GOLGA1: variants seen among roughly 807,000 people sequenced by gnomAD.
GOLGA1 encodes golgin subfamily A member 1.
In GOLGA1, 63 loss-of-function variants were observed where a neutral mutation model predicts 119.7. The ratio of observed to expected loss-of-function variants is 0.53; its 90% confidence interval spans 0.43 to 0.65. The LOEUF (loss-of-function observed/expected upper bound fraction) is 0.65. GOLGA1 is among the 30% of genes least tolerant of loss of function. The probability of loss-of-function intolerance (pLI) is 0.00; values close to 1 mark genes in which losing one functional copy is unlikely to be tolerated. For synonymous variants in GOLGA1, 318 were observed against 333.4 expected, an observed-to-expected ratio of 0.95 and a Z score of 0.50; for missense variants, 798 against 912.8, an observed-to-expected ratio of 0.87 and a Z score of 1.62.
At chr9:124,924,296 A>G (rs1830628588) in intron 7 of GOLGA1, among the ~76,000 whole-genome samples, 1 of 152,146 alleles carries the variant, frequency 6.6e-6, no homozygotes, top group Non-Finnish European at 1.5e-5. Flanking sequence ...AAAAAAAAGA[A>G]AAAAAAATTA....
In GOLGA1 at chr9:124,932,668, T is replaced by C. The variant is rs146598867; in HGVS notation, c.136-1262A>G. 2.5e-3 allele frequency among the ~76,000 whole-genome samples: 385 copies of C among 152,372 alleles called. 5 individuals are homozygous for C. Among genetic ancestry groups the C allele is most frequent in the African/African-American group, 8.9e-3 (369 of 41,592 alleles). On this transcript the variant is annotated intron_variant, in intron 3 of 22. Coordinates refer to ENST00000373555, the MANE Select transcript of GOLGA1 (RefSeq NM_002077.4). ...TCATCTATTACTAGTTGTCTTAGTCTGTTTGAGTGCTATAATGAAATGCCA... is the reference window on the plus strand; with the variant it reads ...TCATCTATTACTAGTTGTCTTAGTCCGTTTGAGTGCTATAATGAAATGCCA...
At position 124,916,124 on chromosome 9, in the gene GOLGA1, A is replaced by AATAAATAAATAAATAC. The variant is rs1244415325; in HGVS notation, c.844-4099_844-4098insGTATTTATTTATTTAT. Among the ~76,000 whole-genome samples, 3 of 151,138 alleles carry AATAAATAAATAAATAC rather than the reference A, an allele frequency of 2.0e-5. No homozygotes were observed. In the East Asian group the frequency reaches 5.8e-4, roughly 29 times the overall value. On this transcript the variant is annotated intron_variant, in intron 10 of 22. Transcript: ENST00000373555. ...CTCTAAATAAATAAATAAATAAATA[A>AATAAATAAATAAATAC]ATAAATACATAAATATACTTATTTA...
chr9:124,884,497 C>T (rs1284579845), intron 19 of GOLGA1, among the ~76,000 whole-genome samples: 1 of 152,106 alleles, frequency 6.6e-6, no homozygotes, highest in Non-Finnish European at 1.5e-5. Context: ...GACAGGAACT[C>T]CCGGGGATGC....
chr9:124,895,072 C>G (rs1829935950), intron 15 of GOLGA1, among the ~76,000 whole-genome samples: 1 of 149,970 alleles, frequency 6.7e-6, no homozygotes, highest in African/African-American at 2.5e-5. Flanking sequence ...CAGAGAACCA[C>G]CCACAACAAA....
intron 10 of GOLGA1, among the ~76,000 whole-genome samples, chr9:124,916,035 G>A (rs1020755915): frequency 7.3e-5 from 11 of 151,652 alleles, no homozygotes; most frequent in Non-Finnish European, 1.3e-4. Context: ...CTGGGAGGTG[G>A]AGGCTGCAGT....
At position 124,884,400 on chromosome 9, in the gene GOLGA1, A is replaced by C. The variant is rs143011910; in HGVS notation, c.1906-1831T>G. Among the ~76,000 whole-genome samples the C allele has an allele frequency of 9.8e-5, 15 of 152,334 alleles. No homozygotes were observed. The East Asian group carries it at 2.7e-3, about 27-fold the overall frequency. ...CCCCAGTCCACATCCCCATTCTTGCACAGCGTGGCTGGAATTGTAAATACA... is the reference window on the plus strand; with the variant it reads ...CCCCAGTCCACATCCCCATTCTTGCCCAGCGTGGCTGGAATTGTAAATACA... On this transcript the variant is annotated intron_variant, in intron 19 of 22. Transcript: ENST00000373555.
Position 124,926,699 on chromosome 9 carries a change from A to G in GOLGA1, c.432+10T>C. The G allele has an allele frequency of 6.4e-7, 1 of 1,558,480 alleles. No homozygotes were observed. The highest frequency in any genetic ancestry group is 1.7e-4 in the Middle Eastern group (1 of 5,962). On this transcript the variant is annotated intron_variant, in intron 7 of 22. Coordinates refer to ENST00000373555, the MANE Select transcript of GOLGA1 (RefSeq NM_002077.4). ...CAACAAAAATGAGACAAAAATAAAG[A>G]TGAACTAACCTTTTCAAGCTGATCC... is the stretch of plus-strand genomic sequence containing the variant.
At chr9:124,938,546 G>T (rs1351465607) in intron 3 of GOLGA1, 31 bp downstream of exon 3, 3 of 1,566,484 alleles carry the variant, frequency 1.9e-6, no homozygotes, top group Non-Finnish European at 2.6e-6. Flanking sequence ...CCCTGCAAAA[G>T]TATCTTTATT....
chr9:124,916,877 C>CAAAAAA (rs71494043), intron 10 of GOLGA1, among the ~76,000 whole-genome samples: 24 of 41,126 alleles, frequency 5.8e-4, no homozygotes, highest in Admixed American at 1.2e-3. Flanking sequence ...CCCTGACACA[C>CAAAAAA]AAAAAAAAAA....
Position 124,908,355 on chromosome 9 carries a change from ACAC to A in GOLGA1, c.1065+19_1065+21del. On this transcript the variant is annotated intron_variant, in intron 12 of 22. Transcript: ENST00000373555. The stretch of plus-strand genomic sequence containing the variant: ...CCAGGTTACCACCCAAACTTAGGAA[ACAC>A]CAGGAGTAAGGTCAGTACCCGAGTC... 2 of 1,327,588 alleles carry A rather than the reference ACAC, an allele frequency of 1.5e-6. No homozygotes were observed. Among genetic ancestry groups the A allele is most frequent in the Non-Finnish European group, 2.2e-6 (2 of 919,580 alleles). 82.2% of individuals were successfully genotyped at this position (1,327,588 alleles called of 1,614,324 possible).
intron 7 of GOLGA1, among the ~76,000 whole-genome samples, chr9:124,926,213 T>C (rs1252756731): frequency 6.6e-6 from 1 of 152,062 alleles, no homozygotes; most frequent in African/African-American, 2.4e-5. Context: ...GGCAAAAAGA[T>C]GAAGAGGTTA....
intron 12 of GOLGA1, among the ~76,000 whole-genome samples, chr9:124,903,107 A>C (rs1441595478): frequency 6.6e-6 from 1 of 152,216 alleles, no homozygotes; most frequent in African/African-American, 2.4e-5. Context: ...GAAAACACTA[A>C]GTCCACACAA....
rs991871790 is a variant in GOLGA1, at chr9:124,924,327, G to T, written c.433-1104C>A. Among the ~76,000 whole-genome samples, 5 of 152,122 alleles carry T rather than the reference G, an allele frequency of 3.3e-5. No homozygotes were observed. In the South Asian group the frequency reaches 1.0e-3, roughly 32 times the overall value. ...AATTAGACATGACTGGTGTCAGCAG[G>T]TTACAATTTATTAAATGATCATTTC... is the stretch of plus-strand genomic sequence containing the variant. On this transcript the variant is annotated intron_variant, in intron 7 of 22. Coordinates refer to ENST00000373555, the MANE Select transcript of GOLGA1 (RefSeq NM_002077.4).
chr9:124,937,011 G>A (rs1193243986), intron 3 of GOLGA1, among the ~76,000 whole-genome samples: 1 of 152,142 alleles, frequency 6.6e-6, no homozygotes, highest in Non-Finnish European at 1.5e-5. Context: ...ATTGGGTAGA[G>A]GAAATTGGAA....
intron 10 of GOLGA1, among the ~76,000 whole-genome samples, chr9:124,917,321 T>C (rs1309486876): frequency 1.3e-5 from 2 of 152,178 alleles, no homozygotes; most frequent in East Asian, 3.8e-4. Context: ...ATCATACTCA[T>C]ATTTTATAAA....
At chr9:124,938,090 A>C (rs915079985) in intron 3 of GOLGA1, among the ~76,000 whole-genome samples, 78 of 151,992 alleles carry the variant, frequency 5.1e-4, no homozygotes, top group Non-Finnish European at 7.9e-4. Context: ...CTCAAAAAAA[A>C]AAAAAAAAGA....
chr9:124,903,185 G>A (rs1830145948), intron 12 of GOLGA1, among the ~76,000 whole-genome samples: 1 of 151,720 alleles, frequency 6.6e-6, no homozygotes, highest in South Asian at 2.1e-4. Context: ...CAACGCAAAT[G>A]TCCATCAAAA....
intron 11 of GOLGA1, among the ~76,000 whole-genome samples, chr9:124,909,146 C>T (rs140212836): frequency 0.016 from 2,410 of 152,040 alleles, 32 homozygotes; most frequent in Admixed American, 0.023. Context: ...CCCATCTCTA[C>T]TAAAAATATT....
chr9:124,880,926 G>T (rs865814481), intron 22 of GOLGA1, among the ~76,000 whole-genome samples: 8 of 152,322 alleles, frequency 5.3e-5, no homozygotes, highest in Admixed American at 2.0e-4. Context: ...TCGATAAAGC[G>T]CTATCAATGA....
Sources: allele counts gnomAD v4.1 joint callset (sites outside exome capture counted in the v4.1 genomes callset), GRCh38; gene constraint gnomAD v4.1.1; transcripts MANE v1.5; gene names NCBI Gene and HGNC (gene_info 2026-07-23, HGNC 2026-07-21).